ADGRL2: variants seen among roughly 807,000 people sequenced by gnomAD.
ADGRL2 encodes the protein adhesion G protein-coupled receptor L2, also known as calcium-independent alpha-latrotoxin receptor 2.
Under a neutral mutation model 157.4 loss-of-function variants are expected in ADGRL2, and 44 were observed. The ratio of observed to expected loss-of-function variants is 0.28; its 90% CI spans 0.22 to 0.36. The LOEUF (loss-of-function observed/expected upper bound fraction) is 0.36. Among genes scored for constraint, ADGRL2 ranks in the 10% least tolerant of loss-of-function variants. The pLI, the probability that ADGRL2 is intolerant of heterozygous loss-of-function variation, is 1.00. For synonymous variants in ADGRL2, 585 were observed against 624.7 expected (o/e 0.94, Z 0.95); for missense variants, 1,510 against 1,768.9 (o/e 0.85, Z 2.63).
At chr1:81,869,638 C>T (rs1247277277) in intron 2 of ADGRL2, among the ~76,000 whole-genome samples, 2 of 151,928 alleles carry the variant, frequency 1.3e-5, no homozygotes, top group African/African-American at 4.8e-5. Context: ...TACAGTTTCT[C>T]ACTGTTCTGA....
chr1:81,970,343 A>C lies in ADGRL2; in HGVS notation c.2763A>C (p.Leu921=). The C allele has an allele frequency of 6.2e-7, 1 of 1,603,198 alleles. No homozygotes were observed. The highest frequency in any genetic ancestry group is 8.5e-7 in the Non-Finnish European group (1 of 1,177,022). ...AIACPIFAGL[L]HFFFLAAFAW... The stretch of plus-strand genomic sequence containing the variant: ...CATGCCCAATATTTGCAGGACTTCT[A>C]CACTTTTTCTTTTTGGCAGCTTTTG... The change falls in exon 16 of 24, where the codon CTA becomes CTC. Residue 921 remains leucine, a synonymous_variant. Coordinates refer to ENST00000686636, the MANE Select transcript of ADGRL2 (RefSeq NM_001366006.2).
intron 2 of ADGRL2, among the ~76,000 whole-genome samples, chr1:81,860,087 A>G (rs1335800156): frequency 6.6e-6 from 1 of 151,964 alleles, no homozygotes; most frequent in Admixed American, 6.6e-5. Flanking sequence ...AGCTGGGCGT[A>G]ATGGCAGGTG....
chr1:81,852,352 A>G (rs1342538873), intron 2 of ADGRL2, among the ~76,000 whole-genome samples: 4 of 152,098 alleles, frequency 2.6e-5, no homozygotes, highest in Admixed American at 2.0e-4. Flanking sequence ...CCTTCCAGGT[A>G]ACCGCCTGGT....
intron 17 of ADGRL2, among the ~76,000 whole-genome samples, chr1:81,977,597 A>G (rs914233775): frequency 5.9e-5 from 9 of 151,730 alleles, no homozygotes; most frequent in African/African-American, 2.2e-4. Flanking sequence ...TTGCAATATA[A>G]TACTTTATAT....
chr1:81,733,104 A>C (rs2084779341), intron 1 of ADGRL2, among the ~76,000 whole-genome samples: 1 of 152,214 alleles, frequency 6.6e-6, no homozygotes, highest in East Asian at 1.9e-4. Context: ...GTTTGCTGCA[A>C]AAGGTGATAC....
At chr1:81,791,655 TA>T (rs201339399) in intron 2 of ADGRL2, among the ~76,000 whole-genome samples, 184 of 151,020 alleles carry the variant, frequency 1.2e-3, no homozygotes, top group African/African-American at 4.0e-3. Flanking sequence ...ATGAGCAGGT[TA>T]AAAAAAAATA....
At chr1:81,968,400 G>C (rs951426997) in intron 14 of ADGRL2, among the ~76,000 whole-genome samples, 2 of 152,174 alleles carry the variant, frequency 1.3e-5, no homozygotes, top group Admixed American at 6.5e-5. Flanking sequence ...CATATGCTAT[G>C]ACTTTATAGA....
At chr1:81,418,407 A>G (rs2077068497) in intron 1 of ADGRL2, among the ~76,000 whole-genome samples, 1 of 152,244 alleles carries the variant, frequency 6.6e-6, no homozygotes, top group African/African-American at 2.4e-5. Flanking sequence ...TTGAACAAAC[A>G]GGAAAATAGA....
intron 3 of ADGRL2, among the ~76,000 whole-genome samples, chr1:81,689,643 C>T (rs2083293553): frequency 6.6e-6 from 1 of 152,208 alleles, no homozygotes; most frequent in African/African-American, 2.4e-5. Context: ...GTTCTGCTGT[C>T]TTCGTCCACC....
intron 3 of ADGRL2, among the ~76,000 whole-genome samples, chr1:81,923,544 A>C (rs893786621): frequency 1.3e-5 from 2 of 151,386 alleles, no homozygotes; most frequent in Non-Finnish European, 2.9e-5. Context: ...GCTTTTGGTC[A>C]CTATTTTTTT....
chr1:81,395,289 T>C (rs1286557816), intron 1 of ADGRL2, among the ~76,000 whole-genome samples: 1 of 152,196 alleles, frequency 6.6e-6, no homozygotes. Flanking sequence ...TTAGTGATGT[T>C]GAGCATTTTT....
chr1:81,956,320 T>A lies in ADGRL2; in HGVS notation c.2017+260T>A, dbSNP rs530528700. Among the ~76,000 whole-genome samples the A allele has an allele frequency of 3.3e-5, 5 of 152,300 alleles. No individual in the cohort carries two copies. In the East Asian group the frequency reaches 7.7e-4, roughly 23 times the overall value. On this transcript the variant is annotated intron_variant, in intron 11 of 23. Coordinates refer to ENST00000686636, the MANE Select transcript of ADGRL2 (RefSeq NM_001366006.2). ...AATCATTAACAAAAAAGTGTAAGAGTGCCTAAATACCAGAATGTAGATTTT... is the reference window on the plus strand; with the variant it reads ...AATCATTAACAAAAAAGTGTAAGAGAGCCTAAATACCAGAATGTAGATTTT...
At chr1:81,989,642 TC>T in intron 23 of ADGRL2, 3 of 1,607,632 alleles carry the variant, frequency 1.9e-6, no homozygotes, top group African/African-American at 1.3e-5. Flanking sequence ...CATTTTACTT[TC>T]TTTTATATAT....
intron 2 of ADGRL2, among the ~76,000 whole-genome samples, chr1:81,463,114 C>CAAAAAA (rs56920139): frequency 4.2e-4 from 39 of 93,554 alleles, no homozygotes; most frequent in African/African-American, 6.8e-4. Context: ...GACCATGTCT[C>CAAAAAA]AAAAAAAAAA....
chr1:81,718,939 G>A (rs2084207182), intron 1 of ADGRL2, among the ~76,000 whole-genome samples: 1 of 152,178 alleles, frequency 6.6e-6, no homozygotes, highest in East Asian at 1.9e-4. Context: ...AGACACCAGA[G>A]GCTTAATGAA....
chr1:81,838,902 G>A (rs1362954031), intron 2 of ADGRL2, among the ~76,000 whole-genome samples: 2 of 151,922 alleles, frequency 1.3e-5, no homozygotes. Flanking sequence ...CCTCCTACGG[G>A]TAAAAAGAAC....
At position 81,488,060 on chromosome 1, in the gene ADGRL2, G is replaced by A. The variant is rs184487912; in HGVS notation, c.-248+42971G>A. Among the ~76,000 whole-genome samples, 177 of 151,406 alleles carry A rather than the reference G, an allele frequency of 1.2e-3. 1 individual carries two copies. Among genetic ancestry groups the A allele is most frequent in the East Asian group, 3.9e-4 (2 of 5,120 alleles). ...TTACTGCATGCTACCCCTGCCCCCC[G>A]CCCGACTCTGGCTGAAGTGACTTCT... On this transcript the variant is annotated intron_variant, in intron 2 of 24. Coordinates refer to the ADGRL2 transcript ENST00000370721.
chr1:81,613,043 G>T (rs1226838603), intron 3 of ADGRL2, among the ~76,000 whole-genome samples: 3 of 152,110 alleles, frequency 2.0e-5, no homozygotes, highest in Non-Finnish European at 2.9e-5. Flanking sequence ...AAGAGACAAG[G>T]AAACAAATTA....
chr1:81,434,846 G>A (rs1296268262), intron 1 of ADGRL2, among the ~76,000 whole-genome samples: 5 of 152,200 alleles, frequency 3.3e-5, no homozygotes, highest in East Asian at 3.9e-4. Context: ...TCACTGCTCC[G>A]CTGTTTGCTT....
Sources: gnomAD v4.1 joint callset for allele counts (sites outside exome capture counted in the v4.1 genomes callset) on GRCh38, gnomAD v4.1.1 for gene constraint, MANE v1.5 for transcripts, NCBI Gene and HGNC (gene_info 2026-07-23, HGNC 2026-07-21) for gene names.